Variants in ERC2 observed in about 807,000 individuals in gnomAD.
ERC2 encodes ERC protein 2.
ERC2 carries 42 observed loss-of-function variants against 114.8 expected under a neutral mutation model. That is an observed-to-expected ratio of 0.37 (90% confidence interval 0.29 to 0.47). The LOEUF (loss-of-function observed/expected upper bound fraction) is 0.47, where lower values mean the gene tolerates loss of function less well. Ranked by LOEUF, ERC2 falls within the 20% of genes least tolerant of loss-of-function variation. The pLI is 0.99. For missense variants in ERC2, 939 were observed against 1,150.7 expected (o/e 0.82, Z 2.66); for synonymous variants, 454 against 425.5 (o/e 1.07, Z -0.82).
intron 3 of ERC2, among the ~76,000 whole-genome samples, chr3:56,190,886 T>C (rs1296717865): frequency 6.6e-6 from 1 of 152,154 alleles, no homozygotes; most frequent in Non-Finnish European, 1.5e-5. Context: ...GTGTTAGCTA[T>C]TTAACATTTA....
At chr3:55,585,855 A>G (rs2057572055) in intron 17 of ERC2, among the ~76,000 whole-genome samples, 1 of 152,224 alleles carries the variant, frequency 6.6e-6, no homozygotes, top group African/African-American at 2.4e-5. Context: ...AGATCCACAA[A>G]CAAACACAGC....
At chr3:56,392,736 A>G (rs1047901594) in intron 2 of ERC2, among the ~76,000 whole-genome samples, 14 of 152,198 alleles carry the variant, frequency 9.2e-5, no homozygotes, top group Middle Eastern at 3.2e-3. Flanking sequence ...CAAAGTTAAA[A>G]ATAAAATGGC....
chr3:55,854,747 G>A (rs571527945), intron 14 of ERC2, among the ~76,000 whole-genome samples: 23 of 152,214 alleles, frequency 1.5e-4, no homozygotes, highest in Admixed American at 7.8e-4. Context: ...GTCATGTCCT[G>A]TTTGTGAGAA....
chr3:55,697,703 C>A (rs2063005582), intron 16 of ERC2, among the ~76,000 whole-genome samples: 1 of 152,064 alleles, frequency 6.6e-6, no homozygotes, highest in Admixed American at 6.6e-5. Context: ...GACCTACTCC[C>A]CTGACTTGGC....
At chr3:56,340,120 A>G (rs1454226720) in intron 2 of ERC2, among the ~76,000 whole-genome samples, 1 of 152,222 alleles carries the variant, frequency 6.6e-6, no homozygotes, top group Non-Finnish European at 1.5e-5. Context: ...CACAGTATCC[A>G]TGTTTTGTTT....
intron 13 of ERC2, among the ~76,000 whole-genome samples, chr3:55,899,939 T>C (rs62253668): frequency 0.12 from 18,793 of 152,236 alleles, 1,561 homozygotes; most frequent in African/African-American, 0.24. Flanking sequence ...AAAAAGCAGT[T>C]GCAGGTAAAC....
chr3:55,701,166 T>C (rs1366763254), intron 15 of ERC2, among the ~76,000 whole-genome samples: 1 of 152,174 alleles, frequency 6.6e-6, no homozygotes, highest in East Asian at 1.9e-4. Flanking sequence ...GGACCTAACA[T>C]TGTGCATTCT....
intron 2 of ERC2, among the ~76,000 whole-genome samples, chr3:56,378,772 T>A (rs931889758): frequency 3.3e-5 from 5 of 152,182 alleles, no homozygotes; most frequent in African/African-American, 1.2e-4. Flanking sequence ...TCCTGCCTTG[T>A]CATGACTATA....
At chr3:55,857,026 C>T (rs893923055) in intron 14 of ERC2, among the ~76,000 whole-genome samples, 10 of 149,892 alleles carry the variant, frequency 6.7e-5, no homozygotes, top group Admixed American at 6.7e-5. Flanking sequence ...GGGTAATAGA[C>T]AGTAATTGCT....
intron 14 of ERC2, among the ~76,000 whole-genome samples, chr3:55,846,673 CTCTCTCTCTCTCTCTCTCTT>C (rs892960807): frequency 5.9e-5 from 7 of 118,830 alleles, no homozygotes; most frequent in Non-Finnish European, 9.9e-5. Flanking sequence ...TATTCATTCT[CTCTCTCTCTCTCTCTCTCTT>C]TCTCTCTCTC....
At chr3:55,640,649 T>C (rs1414683042) in intron 17 of ERC2, among the ~76,000 whole-genome samples, 1 of 152,062 alleles carries the variant, frequency 6.6e-6, no homozygotes, top group Non-Finnish European at 1.5e-5. Flanking sequence ...GTAAAGAACA[T>C]TGAATGAGAG....
chr3:56,109,357 C>T (rs377180205), intron 6 of ERC2, among the ~76,000 whole-genome samples: 3 of 152,154 alleles, frequency 2.0e-5, no homozygotes, highest in East Asian at 1.9e-4. Flanking sequence ...TAATCTCATT[C>T]TTTTTTATGG....
intron 2 of ERC2, among the ~76,000 whole-genome samples, chr3:56,344,067 G>A (rs750975977): frequency 4.5e-4 from 69 of 152,110 alleles, no homozygotes; most frequent in Non-Finnish European, 8.8e-4. Context: ...GAGTAAACAG[G>A]CAGAGAGAGG....
At chr3:56,318,748 G>A (rs751341233) in intron 2 of ERC2, among the ~76,000 whole-genome samples, 5 of 151,522 alleles carry the variant, frequency 3.3e-5, no homozygotes, top group Non-Finnish European at 5.9e-5. Flanking sequence ...AACTCACAAT[G>A]AGATATCATT....
intron 2 of ERC2, among the ~76,000 whole-genome samples, chr3:56,356,836 C>T (rs1445979922): frequency 6.6e-6 from 1 of 152,198 alleles, no homozygotes; most frequent in East Asian, 1.9e-4. Context: ...CATAACTGAT[C>T]TGGTTTAATT....
Position 55,508,751 on chromosome 3 carries a change from G to A in ERC2, c.*2565C>T, listed in dbSNP as rs758965348. Reference sequence around the variant, plus strand: ...CCCACTTTCAAATGAAAGTTGACACGCTGTTAACGTGCATACTGGATACAC... The same window carrying A: ...CCCACTTTCAAATGAAAGTTGACACACTGTTAACGTGCATACTGGATACAC... On this transcript the variant is annotated 3_prime_UTR_variant, in exon 18 of 18. Coordinates refer to ENST00000288221, the MANE Select transcript of ERC2 (RefSeq NM_015576.3). The A allele has an allele frequency of 7.9e-5, 12 of 152,392 alleles. No individual in the cohort carries two copies. Among genetic ancestry groups the A allele is most frequent in the East Asian group, 7.7e-4 (4 of 5,188 alleles). The allele number at this position is 152,392 out of a possible 1,614,324, so 9.4% of individuals were successfully genotyped here. A position where few individuals can be genotyped will look rare whatever the true frequency, so the allele number is the denominator to read the frequency against.
chr3:56,450,269 A>G (rs945186179), intron 1 of ERC2, among the ~76,000 whole-genome samples: 11 of 151,502 alleles, frequency 7.3e-5, no homozygotes, highest in African/African-American at 2.7e-4. Flanking sequence ...TAGATTTAGC[A>G]TGATTACATG....
chr3:55,772,948 C>A (rs992056744), intron 14 of ERC2, among the ~76,000 whole-genome samples: 22 of 152,322 alleles, frequency 1.4e-4, no homozygotes, highest in African/African-American at 4.6e-4. Flanking sequence ...TGGACCATGA[C>A]GCACCACCCC....
intron 17 of ERC2, among the ~76,000 whole-genome samples, chr3:55,635,029 A>G (rs1464744529): frequency 1.3e-5 from 2 of 151,784 alleles, no homozygotes; most frequent in Non-Finnish European, 2.9e-5. Context: ...CTACAGGTGC[A>G]TGCCACCACA....
Sources: gnomAD v4.1 joint callset for allele counts (sites outside exome capture counted in the v4.1 genomes callset) on GRCh38, gnomAD v4.1.1 for gene constraint, MANE v1.5 for transcripts, NCBI Gene and HGNC (gene_info 2026-07-23, HGNC 2026-07-21) for gene names.